FLI1: variants seen among roughly 807,000 people sequenced by gnomAD.
FLI1 encodes Fli-1 proto-oncogene, ETS transcription factor, also known as Friend leukemia integration 1 transcription factor.
FLI1 carries 13 observed loss-of-function variants against 53.1 expected under a neutral mutation model. The ratio of observed to expected loss-of-function variants is 0.24; its 90% confidence interval spans 0.16 to 0.39. The LOEUF (loss-of-function observed/expected upper bound fraction) is 0.39. Ranked by LOEUF, FLI1 falls within the 10% of genes least tolerant of loss-of-function variation. The pLI, the probability that FLI1 is intolerant of heterozygous loss-of-function variation, is 1.00. For missense variants in FLI1, 424 were observed against 600.5 expected (o/e 0.71, Z 3.07); for synonymous variants, 244 against 236.7 (o/e 1.03, Z -0.28).
intron 1 of FLI1, among the ~76,000 whole-genome samples, chr11:128,709,828 T>C (rs1050319590): frequency 1.7e-4 from 26 of 152,210 alleles, no homozygotes; most frequent in Non-Finnish European, 4.4e-5. Flanking sequence ...GGTAATACAG[T>C]ACAGAACCAG....
intron 5 of FLI1, among the ~76,000 whole-genome samples, chr11:128,790,069 CGTGTGTGT>C (rs765614434): frequency 2.8e-5 from 4 of 143,318 alleles, no homozygotes; most frequent in Non-Finnish European, 6.0e-5. Flanking sequence ...TGCATGCATG[CGTGTGTGT>C]GTGTGTGTGT....
chr11:128,757,094 T>TTCTTTCTTTCTC (rs1424662990), intron 1 of FLI1, among the ~76,000 whole-genome samples: 7 of 135,204 alleles, frequency 5.2e-5, no homozygotes, highest in African/African-American at 2.0e-4. Context: ...CTTTCTTTCT[T>TTCTTTCTTTCTC]TCTTTCTTTC....
At chr11:128,703,615 C>T (rs748799537) in intron 1 of FLI1, among the ~76,000 whole-genome samples, 2 of 152,060 alleles carry the variant, frequency 1.3e-5, no homozygotes, top group Non-Finnish European at 2.9e-5. Context: ...GAGGCCGAGG[C>T]TAGCAGATAA....
chr11:128,771,622 T>C lies in FLI1; in HGVS notation c.386-1160T>C, dbSNP rs547813436. ...AGTTGCTTGAGGGGTAGCACAGATA[T>C]TCCTGCCTAATAAATATGTTAAATC... On this transcript the variant is annotated intron_variant, in intron 3 of 8. Coordinates refer to ENST00000527786, the MANE Select transcript of FLI1 (RefSeq NM_002017.5). 2.0e-5 allele frequency among the ~76,000 whole-genome samples: 3 copies of C among 152,314 alleles called. No homozygotes were observed. In the East Asian group the frequency reaches 5.8e-4, roughly 29 times the overall value.
chr11:128,779,554 C>T (rs988249331), intron 4 of FLI1, among the ~76,000 whole-genome samples: 6 of 152,176 alleles, frequency 3.9e-5, no homozygotes, highest in East Asian at 1.9e-4. Context: ...AAAATAGTAA[C>T]GATCATAGCT....
intron 1 of FLI1, among the ~76,000 whole-genome samples, chr11:128,709,859 G>A (rs903512662): frequency 2.0e-5 from 3 of 152,168 alleles, no homozygotes; most frequent in Admixed American, 2.0e-4. Flanking sequence ...GGTTAATTCA[G>A]AGGGAGATAC....
At chr11:128,784,580 G>C (rs1457172324) in intron 5 of FLI1, among the ~76,000 whole-genome samples, 1 of 152,142 alleles carries the variant, frequency 6.6e-6, no homozygotes, top group Non-Finnish European at 1.5e-5. Context: ...CTCTCCACTT[G>C]AGCTGTCTTG....
chr11:128,774,243 C>G (rs2135847423), intron 4 of FLI1, among the ~76,000 whole-genome samples: 1 of 152,304 alleles, frequency 6.6e-6, no homozygotes, highest in Admixed American at 6.5e-5. Flanking sequence ...CCTCTGTGCT[C>G]TCTGGTCACC....
intron 5 of FLI1, among the ~76,000 whole-genome samples, chr11:128,794,558 A>G (rs979357043): frequency 2.0e-5 from 3 of 152,234 alleles, no homozygotes; most frequent in Non-Finnish European, 2.9e-5. Flanking sequence ...TATAGGAAAC[A>G]TCATTTGTTA....
At chr11:128,690,544 G>T (rs1002329309), upstream of FLI1, among the ~76,000 whole-genome samples, 4 of 152,156 alleles carry the variant, frequency 2.6e-5, no homozygotes, top group Non-Finnish European at 5.9e-5. Flanking sequence ...GCCAAGACAC[G>T]TTTCGACCCG....
At chr11:128,758,469 T>A in intron 2 of FLI1, 143 bp downstream of exon 2, 1 of 691,798 alleles carries the variant, frequency 1.4e-6, no homozygotes, top group Non-Finnish European at 2.5e-6. Context: ...CCTAGAGAGC[T>A]AAGGCAGAGA....
intron 3 of FLI1, 69 bp from the exon 4 acceptor site, chr11:128,772,713 G>A: frequency 8.0e-7 from 1 of 1,254,840 alleles, no homozygotes; most frequent in East Asian, 2.3e-5. Flanking sequence ...GGGTGAGGGA[G>A]GCTGCCTAGG....
intron 3 of FLI1, among the ~76,000 whole-genome samples, chr11:128,771,202 C>A (rs1424334506): frequency 6.6e-6 from 1 of 152,220 alleles, no homozygotes; most frequent in Non-Finnish European, 1.5e-5. Context: ...ACCATCTGAG[C>A]CGTCACTGCT....
At chr11:128,729,997 T>C (rs1939628781) in intron 1 of FLI1, among the ~76,000 whole-genome samples, 1 of 152,328 alleles carries the variant, frequency 6.6e-6, no homozygotes, top group South Asian at 2.1e-4. Context: ...CATTTGACCT[T>C]GAAACATTTC....
chr11:128,803,536 C>G (rs372078951), intron 5 of FLI1, among the ~76,000 whole-genome samples: 2 of 152,222 alleles, frequency 1.3e-5, no homozygotes, highest in Non-Finnish European at 2.9e-5. Context: ...CCACTCACCT[C>G]TCTGTCAACC....
In FLI1 at chr11:128,781,537, G is replaced by GA. The variant is rs959434029; in HGVS notation, c.590-413dup. Among the ~76,000 whole-genome samples the GA allele has an allele frequency of 1.2e-4, 18 of 151,890 alleles. No homozygotes were observed. In the East Asian group the frequency reaches 2.5e-3, roughly 21 times the overall value. ...TCTGCCAACCTCTGCTCTAGTTCAAGAAAAAAAATCAAAATCTAGACATGT... is the reference window on the plus strand; with the variant it reads ...TCTGCCAACCTCTGCTCTAGTTCAAGAAAAAAAAATCAAAATCTAGACATGT... On this transcript the variant is annotated intron_variant, in intron 4 of 8. Coordinates refer to ENST00000527786, the MANE Select transcript of FLI1 (RefSeq NM_002017.5).
At chr11:128,729,050 G>A (rs772018214) in intron 1 of FLI1, among the ~76,000 whole-genome samples, 8 of 152,192 alleles carry the variant, frequency 5.3e-5, no homozygotes, top group Non-Finnish European at 5.9e-5. Flanking sequence ...GAGCTCCTGC[G>A]TGAATCCTAA....
intron 5 of FLI1, among the ~76,000 whole-genome samples, chr11:128,788,416 C>T (rs895181781): frequency 4.6e-5 from 7 of 152,006 alleles, no homozygotes; most frequent in African/African-American, 1.4e-4. Flanking sequence ...TTGCAGTGAG[C>T]GAAGATCACA....
At chr11:128,718,666 T>C (rs183598519) in intron 1 of FLI1, among the ~76,000 whole-genome samples, 6 of 152,390 alleles carry the variant, frequency 3.9e-5, no homozygotes, top group African/African-American at 4.8e-5. Flanking sequence ...TGGGTTTTTT[T>C]AGCTTTATGA....
Sources: allele counts gnomAD v4.1 joint callset (sites outside exome capture counted in the v4.1 genomes callset), GRCh38; gene constraint gnomAD v4.1.1; transcripts MANE v1.5; gene names NCBI Gene and HGNC (gene_info 2026-07-23, HGNC 2026-07-21).